Variants in SBF1 observed in about 807,000 individuals in gnomAD.
The protein encoded by SBF1 is myotubularin-related protein 5.
SBF1 carries 65 observed loss-of-function variants against 215.8 expected under a neutral mutation model. That is an observed-to-expected ratio of 0.30 (90% CI 0.25 to 0.37). The LOEUF is 0.37. Among genes scored for constraint, SBF1 ranks in the 10% least tolerant of loss-of-function variants. SBF1 has a pLI of 1.00. For missense variants in SBF1, 2,634 were observed against 2,667.8 expected, an observed-to-expected ratio of 0.99 and a Z score of 0.28; for synonymous variants, 1,410 against 1,122.8, an observed-to-expected ratio of 1.26 and a Z score of -5.11.
rs918795207 is a variant in SBF1, at chr22:50,445,095, G to C, written c.*2047C>G. On this transcript the variant is annotated 3_prime_UTR_variant, in exon 41 of 41. Transcript: ENST00000380817. The stretch of plus-strand genomic sequence containing the variant: ...AAGCCGTGACGTTCGGACAAACCGC[G>C]TACTGTGAACCTTCCGGCCCCAAAG... The C allele has an allele frequency of 7.9e-5, 12 of 152,742 alleles. No homozygotes were observed. The highest frequency in any genetic ancestry group is 2.0e-4 in the Admixed American group (3 of 15,288). 9.5% of individuals were successfully genotyped at this position (152,742 alleles called of 1,614,324 possible). A position where few individuals can be genotyped will look rare whatever the true frequency, so the allele number is the denominator to read the frequency against.
Position 50,465,831 on chromosome 22 carries a change from G to A in SBF1, c.1021C>T (p.Pro341Ser). ...THSVLSMVLD[P>S]ELELADLAFP... ...GCGAGGTCAGCCAACTCCAGCTCCG[G>A]GTCCAGGACCTGCCAGCACAGAATG... Residue 341 changes from proline (P) to serine (S), a missense_variant, in exon 10 of 41, where the codon CCG (proline) becomes TCG (serine). Physicochemically the swap from Pro to Ser is moderately conservative, Grantham distance 74 (BLOSUM62 -1). Coordinates refer to ENST00000380817, the MANE Select transcript of SBF1 (RefSeq NM_002972.4). 1 of 1,612,808 alleles carries A rather than the reference G, an allele frequency of 6.2e-7. No individual in the cohort carries two copies. The highest frequency in any genetic ancestry group is 8.5e-7 in the Non-Finnish European group (1 of 1,179,718).
Position 50,454,947 on chromosome 22 carries a change from G to A in SBF1, c.4682-3C>T. On this transcript the variant is annotated splice_region_variant and splice_polypyrimidine_tract_variant and intron_variant, in intron 34 of 40. Transcript: ENST00000380817. Reference sequence around the variant, plus strand: ...CCCCTTCTCCTCATACAGCAGCCCTGCACAGAAGCAGCACTGAGCCTGGGC... The same window carrying A: ...CCCCTTCTCCTCATACAGCAGCCCTACACAGAAGCAGCACTGAGCCTGGGC... 9 of 1,613,928 alleles carry A rather than the reference G, an allele frequency of 5.6e-6. No individual in the cohort carries two copies. Among genetic ancestry groups the A allele is most frequent in the Non-Finnish European group, 7.6e-6 (9 of 1,179,998 alleles).
At chr22:50,454,279 G>A (rs2067158909) in intron 36 of SBF1, among the ~76,000 whole-genome samples, 1 of 152,106 alleles carries the variant, frequency 6.6e-6, no homozygotes, top group South Asian at 2.1e-4. Context: ...TCTGATGACG[G>A]CCCTCCTGTC....
chr22:50,453,782 A>G (rs976537229), intron 36 of SBF1, among the ~76,000 whole-genome samples: 36 of 151,870 alleles, frequency 2.4e-4, no homozygotes, highest in Non-Finnish European at 3.8e-4. Flanking sequence ...GCGAGACTCC[A>G]TCTCAAAATA....
In SBF1 at chr22:50,464,556, G is replaced by A. The variant is rs374717820; in HGVS notation, c.1614C>T (p.Thr538=). The A allele has an allele frequency of 2.6e-5, 42 of 1,611,420 alleles. No homozygotes were observed. Among genetic ancestry groups the A allele is most frequent in the East Asian group, 4.5e-5 (2 of 44,876 alleles). The change falls in exon 14 of 41, where the codon ACC becomes ACT. Residue 538 remains threonine (T), a synonymous_variant. Coordinates refer to ENST00000380817, the MANE Select transcript of SBF1 (RefSeq NM_002972.4). ...PPAVKAERRT[T]VPSGPPMTAI... ...CACTCATGGGGGGCCCTGAGGGCAC[G>A]GTGGTCCTCCTCTCGGCCTTCACAG... is the stretch of plus-strand genomic sequence containing the variant.
At chr22:50,466,766 A>G (rs1603434097) in intron 5 of SBF1, 56 bp from the exon 6 acceptor site, 2 of 1,261,254 alleles carry the variant, frequency 1.6e-6, no homozygotes, top group East Asian at 2.6e-5. Context: ...GCCCAGAGTC[A>G]GCCCAGAGCT....
At chr22:50,447,685 C>A (rs532791255) in intron 38 of SBF1, 76 bp from the exon 39 acceptor site, 370 of 1,075,426 alleles carry the variant, frequency 3.4e-4, no homozygotes, top group Middle Eastern at 2.9e-3. Context: ...GTCGTCCCCC[C>A]CTTGCTGTCC....
Position 50,465,091 on chromosome 22 carries a change from A to G in SBF1, c.1242T>C (p.Asp414=), listed in dbSNP as rs765591096. 3.7e-6 allele frequency: 6 copies of G among 1,613,950 alleles called. No homozygotes were observed. The Admixed American group carries it at 8.3e-5, about 22-fold the overall frequency. ...TGCCCTCCAGCACCTTCATCAGGAA[A>G]TCGTCCTCTACCAGCCCACGCTGGC... is the stretch of plus-strand genomic sequence containing the variant. ...FLGQRGLVED[D]FLMKVLEGMA... Residue 414 remains aspartate (D), a synonymous_variant, in exon 12 of 41, where the codon GAT becomes GAC. Coordinates refer to ENST00000380817, the MANE Select transcript of SBF1 (RefSeq NM_002972.4).
intron 15 of SBF1, 151 bp from the exon 16 acceptor site, chr22:50,463,583 A>C: frequency 1.2e-6 from 1 of 822,732 alleles, no homozygotes. Flanking sequence ...TAAAGACTAA[A>C]ACCTCCAGTG....
Position 50,467,774 on chromosome 22 carries a change from C to A in SBF1, c.279+12G>T. The A allele has an allele frequency of 6.2e-7, 1 of 1,613,622 alleles. No homozygotes were observed. Among genetic ancestry groups the A allele is most frequent in the South Asian group, 1.1e-5 (1 of 91,040 alleles). On this transcript the variant is annotated intron_variant, in intron 3 of 40. Transcript: ENST00000380817. Reference sequence around the variant, plus strand: ...GCTTCATTCATGCTGTACCCAGAGGCCCCAAGCTGACCTGTGAAGGCTCCG... The same window carrying A: ...GCTTCATTCATGCTGTACCCAGAGGACCCAAGCTGACCTGTGAAGGCTCCG...
intron 31 of SBF1, 133 bp downstream of exon 31, chr22:50,456,082 TG>T: frequency 2.1e-6 from 2 of 938,424 alleles, no homozygotes; most frequent in Non-Finnish European, 3.1e-6. Context: ...AGAGCCTGGG[TG>T]GGAAGTGGCT....
Position 50,454,923 on chromosome 22 carries a change from C to T in SBF1, c.4703G>A (p.Gly1568Glu), listed in dbSNP as rs1239035259. Reference protein sequence around the residue: ...IELGLLYEEKGERRGQVPCRS... With the variant: ...IELGLLYEEKEERRGQVPCRS... The stretch of plus-strand genomic sequence containing the variant: ...GCACGGCACCTGGCCCCTGCGTTCC[C>T]CCTTCTCCTCATACAGCAGCCCTGC... The change falls in exon 35 of 41, where the codon GGG becomes GAG. Residue 1568 changes from glycine (G) to glutamate (E), a missense_variant. Transcript: ENST00000380817. 1.9e-6 allele frequency: 3 copies of T among 1,614,074 alleles called. No individual in the cohort carries two copies.
At chr22:50,468,210 C>T (rs1056924971) in intron 2 of SBF1, among the ~76,000 whole-genome samples, 166 bp downstream of exon 2, 1 of 152,220 alleles carries the variant, frequency 6.6e-6, no homozygotes, top group African/African-American at 2.4e-5. Flanking sequence ...ACCGCACAGG[C>T]CGCCGGCCAA....
At position 50,447,322 on chromosome 22, in the gene SBF1, G is replaced by T; in HGVS notation, c.5583C>A (p.Asp1861Glu). 1 of 1,613,992 alleles carries T rather than the reference G, an allele frequency of 6.2e-7. No individual in the cohort carries two copies. The highest frequency in any genetic ancestry group is 8.5e-7 in the Non-Finnish European group (1 of 1,179,946). Residue 1861 changes from aspartate to glutamate, a missense_variant and splice_region_variant, in exon 40 of 41, where the codon GAC (aspartate) becomes GAA (glutamate). Transcript: ENST00000380817. Reference sequence around the variant, plus strand: ...CTCCCAAGCCCCGGCCAAGGCTCACGTCAAAGAAGGCCTTCTCGTCCACAG... The same window carrying T: ...CTCCCAAGCCCCGGCCAAGGCTCACTTCAAAGAAGGCCTTCTCGTCCACAG... ...PKTVDEKAFF[D>E]VKTTRRVYNF...
At chr22:50,466,302 G>C (rs1435535367) in intron 7 of SBF1, 44 bp from the exon 8 acceptor site, 1 of 1,609,986 alleles carries the variant, frequency 6.2e-7, no homozygotes, top group Admixed American at 1.7e-5. Context: ...GGACGCGGCT[G>C]GGCAAAGGGG....
In SBF1 at chr22:50,446,910, T is replaced by C. The variant is rs762374252; in HGVS notation, c.*232A>G. The C allele has an allele frequency of 1.4e-6, 1 of 732,080 alleles. No individual in the cohort carries two copies. Among genetic ancestry groups the C allele is most frequent in the South Asian group, 1.4e-5 (1 of 69,988 alleles). 45.3% of individuals were successfully genotyped at this position (732,080 alleles called of 1,614,324 possible). A position where few individuals can be genotyped will look rare whatever the true frequency, so the allele number is the denominator to read the frequency against. On this transcript the variant is annotated 3_prime_UTR_variant, in exon 41 of 41. Transcript: ENST00000380817. Reference sequence around the variant, plus strand: ...GGGGCCGGACTATTTACAGGCCCATTGCGGGCTGTACCTTGGCCACCTCCC... The same window carrying C: ...GGGGCCGGACTATTTACAGGCCCATCGCGGGCTGTACCTTGGCCACCTCCC...
rs1315630137 is a variant in SBF1 at position 50,448,627 on chromosome 22, C to T, written c.5067G>A (p.Glu1689=). 1 of 1,611,610 alleles carries T rather than the reference C, an allele frequency of 6.2e-7. No individual in the cohort carries two copies. Among genetic ancestry groups the T allele is most frequent in the South Asian group, 1.1e-5 (1 of 91,090 alleles). ...TCCAGCGCTCAGCGGGTTGGCCCAA[C>T]TCTGTCTCCAGCCTCTGCAGCTCCT... The part of the protein sequence containing the change: ...LLEELQRLET[E]LGQPAERWKD... Residue 1689 remains glutamate, a synonymous_variant, in exon 37 of 41, where the codon GAG becomes GAA. Transcript: ENST00000380817.
chr22:50,446,959 C>A lies in SBF1; in HGVS notation c.*183G>T. 2.8e-6 allele frequency: 2 copies of A among 709,922 alleles called. No homozygotes were observed. Among genetic ancestry groups the A allele is most frequent in the African/African-American group, 1.8e-5 (1 of 56,866 alleles). The allele number at this position is 709,922 out of a possible 1,614,324, so 44.0% of individuals were successfully genotyped here. ...CCGGCACGGTGCTCAGCTGTGACGCCAAAATAAGTTAGGGCCGGCCGGGCG... is the reference window on the plus strand; with the variant it reads ...CCGGCACGGTGCTCAGCTGTGACGCAAAAATAAGTTAGGGCCGGCCGGGCG... On this transcript the variant is annotated 3_prime_UTR_variant, in exon 41 of 41. Transcript: ENST00000380817.
In SBF1 at chr22:50,466,478, G is replaced by A. The variant is rs564034935; in HGVS notation, c.660C>T (p.Ile220=). 3.1e-5 allele frequency: 48 copies of A among 1,544,844 alleles called. No homozygotes were observed. In the South Asian group the frequency reaches 5.6e-4, roughly 18 times the overall value. ...SVALLFRQLG[I]TNVLSLFCAA... ...CACAGAACAAAGACAGCACGTTGGT[G>A]ATGCCTAAAGGAAGAAGAGAAGCTT... Residue 220 remains isoleucine (I), a synonymous_variant, in exon 7 of 41, where the codon ATC becomes ATT. Coordinates refer to ENST00000380817, the MANE Select transcript of SBF1 (RefSeq NM_002972.4).
Sources: gnomAD v4.1 joint callset for allele counts (sites outside exome capture counted in the v4.1 genomes callset) on GRCh38, gnomAD v4.1.1 for gene constraint, MANE v1.5 for transcripts, NCBI Gene and HGNC (gene_info 2026-07-23, HGNC 2026-07-21) for gene names.